The following PHTF1 variants were observed in gnomAD, a reference collection of about 807,000 sequenced individuals.
PHTF1 encodes the protein putative homeodomain transcription factor 1.
In PHTF1, 88 loss-of-function variants were observed where a neutral mutation model predicts 102.4. The ratio of observed to expected loss-of-function variants is 0.86; its 90% confidence interval spans 0.72 to 1.03. PHTF1 has a LOEUF of 1.03. PHTF1 is among the 50% of genes least tolerant of loss of function. PHTF1 has a pLI of 0.00. For missense variants in PHTF1, 814 were observed against 909.5 expected, an observed-to-expected ratio of 0.89 and a Z score of 1.35; for synonymous variants, 289 against 305.2, an observed-to-expected ratio of 0.95 and a Z score of 0.55.
Position 113,706,680 on chromosome 1 carries a change from G to C in PHTF1, c.1312C>G (p.Arg438Gly). The C allele has an allele frequency of 1.9e-6, 3 of 1,607,338 alleles. No individual in the cohort carries two copies. Among genetic ancestry groups the C allele is most frequent in the South Asian group, 1.1e-5 (1 of 90,446 alleles). Residue 438 changes from arginine to glycine, a missense_variant, in exon 12 of 19, where the codon CGA becomes GGA. Coordinates refer to ENST00000369604, the MANE Select transcript of PHTF1 (RefSeq NM_001323043.2). ...WLQNSSPSSD[R>G]VSAIIWEGNE... is the part of the protein sequence containing the mutation. ...CCCTCCCAGATTATTGCACTAACTC[G>C]ATCAGAGGAAGGACTTGAATTCTGA...
At chr1:113,738,851 A>C (rs1655924068) in intron 3 of PHTF1, 52 bp from the exon 4 acceptor site, 1 of 1,177,992 alleles carries the variant, frequency 8.5e-7, no homozygotes, top group Non-Finnish European at 1.2e-6. Context: ...AAGCCCTTTT[A>C]TTTATTTATT....
At chr1:113,748,191 C>T (rs1657510750) in intron 3 of PHTF1, among the ~76,000 whole-genome samples, 1 of 152,130 alleles carries the variant, frequency 6.6e-6, no homozygotes. Flanking sequence ...GTTGCCCAGG[C>T]TGGTCTCAAA....
In PHTF1 at chr1:113,742,934, A is replaced by G. The variant is rs140227918; in HGVS notation, c.103-4135T>C. On this transcript the variant is annotated intron_variant, in intron 3 of 18. Transcript: ENST00000369604. ...CCACAATCTCATCCTCCTGGGCTCA[A>G]GCAATCCTCCTACCTCAGCCTCCCA... Among the ~76,000 whole-genome samples, 132 of 152,288 alleles carry G rather than the reference A, an allele frequency of 8.7e-4. 1 individual carries two copies. The highest frequency in any genetic ancestry group is 2.9e-3 in the African/African-American group (119 of 41,580).
chr1:113,700,164 A>G, intron 16 of PHTF1: 1 of 966,420 alleles, frequency 1.0e-6, no homozygotes, highest in Non-Finnish European at 1.2e-6. Flanking sequence ...TTAAACATTT[A>G]TGGAACAGAA....
intron 5 of PHTF1, among the ~76,000 whole-genome samples, chr1:113,731,511 T>G (rs1654633177): frequency 3.1e-5 from 4 of 130,432 alleles, no homozygotes; most frequent in African/African-American, 1.2e-4. Context: ...AGCCTGGGAG[T>G]AAGAGTGAGA....
chr1:113,735,463 A>G lies in PHTF1; in HGVS notation c.331+2647T>C, dbSNP rs558653591. 3.0e-4 allele frequency among the ~76,000 whole-genome samples: 46 copies of G among 151,476 alleles called. 1 individual carries two copies. Among genetic ancestry groups the G allele is most frequent in the African/African-American group, 9.7e-4 (40 of 41,368 alleles). On this transcript the variant is annotated intron_variant, in intron 5 of 18. Coordinates refer to ENST00000369604, the MANE Select transcript of PHTF1 (RefSeq NM_001323043.2). Reference sequence around the variant, plus strand: ...CTCTACATATGACTCTACATATGATAGACTGTACAGACATTAAAATGATAG... The same window carrying G: ...CTCTACATATGACTCTACATATGATGGACTGTACAGACATTAAAATGATAG...
At chr1:113,750,331 A>AC (rs1301431816) in intron 3 of PHTF1, among the ~76,000 whole-genome samples, 2 of 152,092 alleles carry the variant, frequency 1.3e-5, no homozygotes, top group Non-Finnish European at 2.9e-5. Context: ...TCATATGGCC[A>AC]CCATCCTGCT....
At chr1:113,707,709 G>C (rs909398592) in intron 11 of PHTF1, among the ~76,000 whole-genome samples, 35 of 152,242 alleles carry the variant, frequency 2.3e-4, no homozygotes, top group African/African-American at 7.0e-4. Context: ...CACCTACTAT[G>C]TATCATGCAT....
intron 7 of PHTF1, among the ~76,000 whole-genome samples, chr1:113,717,445 A>G (rs118054528): frequency 3.9e-5 from 6 of 152,182 alleles, no homozygotes; most frequent in Non-Finnish European, 4.4e-5. Context: ...CATTAAAAAA[A>G]CAAAATCCAT....
chr1:113,702,927 T>C (rs1226749573), intron 15 of PHTF1, among the ~76,000 whole-genome samples: 2 of 152,198 alleles, frequency 1.3e-5, no homozygotes, highest in Admixed American at 1.3e-4. Context: ...ACATGCAATA[T>C]GTAATTCTGA....
intron 7 of PHTF1, among the ~76,000 whole-genome samples, chr1:113,720,273 C>T (rs1652709684): frequency 6.6e-6 from 1 of 152,168 alleles, no homozygotes; most frequent in African/African-American, 2.4e-5. Context: ...GCACCCAACA[C>T]TGAAGCACCC....
chr1:113,744,027 A>G (rs900519165), intron 3 of PHTF1, among the ~76,000 whole-genome samples: 56 of 152,198 alleles, frequency 3.7e-4, no homozygotes, highest in African/African-American at 1.3e-3. Flanking sequence ...ATCAAACAAG[A>G]CTGCTTAACT....
Position 113,757,644 on chromosome 1 carries a change from C to T in PHTF1, c.102+55G>A. 3 of 1,105,172 alleles carry T rather than the reference C, an allele frequency of 2.7e-6. No individual in the cohort carries two copies. The African/African-American group carries it at 4.6e-5, about 17-fold the overall frequency. The allele number at this position is 1,105,172 out of a possible 1,614,324, so 68.5% of individuals were successfully genotyped here. ...CAGAGTTTACCAGGTAAGTACAATTCCACTCTTCATATTAATGCAGTGAAA... is the reference window on the plus strand; with the variant it reads ...CAGAGTTTACCAGGTAAGTACAATTTCACTCTTCATATTAATGCAGTGAAA... On this transcript the variant is annotated intron_variant, in intron 3 of 18. Transcript: ENST00000369604.
rs756571083 is a variant in PHTF1, at chr1:113,704,198, T to G, written c.1804-31A>C. The G allele has an allele frequency of 9.6e-6, 14 of 1,451,262 alleles. No individual in the cohort carries two copies. In the South Asian group the frequency reaches 1.6e-4, roughly 17 times the overall value. 89.9% of individuals were successfully genotyped at this position (1,451,262 alleles called of 1,614,324 possible). A position where few individuals can be genotyped will look rare whatever the true frequency, so the allele number is the denominator to read the frequency against. ...GAGTGAGACACATGTGTTAATGTTTTAGTTACTGGCAGACAGCAACCGCCC... is the reference window on the plus strand; with the variant it reads ...GAGTGAGACACATGTGTTAATGTTTGAGTTACTGGCAGACAGCAACCGCCC... On this transcript the variant is annotated intron_variant, in intron 14 of 18. Transcript: ENST00000369604.
chr1:113,759,219 T>C lies in PHTF1; in HGVS notation c.-227A>G, dbSNP rs939944623. 1 of 362,498 alleles carries C rather than the reference T, an allele frequency of 2.8e-6. No homozygotes were observed. The highest frequency in any genetic ancestry group is 2.2e-5 in the African/African-American group (1 of 45,516). 22.5% of individuals were successfully genotyped at this position (362,498 alleles called of 1,614,324 possible). On this transcript the variant is annotated 5_prime_UTR_variant, in exon 1 of 19. Transcript: ENST00000369604. ...GGAGGCAGCCGGCCGCCCAGCGCCC[T>C]GAGGGCGGCAAATCGATCGCCGGTC...
chr1:113,700,753 A>G, intron 16 of PHTF1, 41 bp downstream of exon 16: 1 of 1,583,232 alleles, frequency 6.3e-7, no homozygotes. Context: ...GTATTACGCT[A>G]CCCCTAACCA....
chr1:113,715,648 C>CAAAAAAAAAAAAAAAAAAAAAA (rs60517410), intron 7 of PHTF1, among the ~76,000 whole-genome samples: 2 of 24,960 alleles, frequency 8.0e-5, no homozygotes, highest in African/African-American at 1.1e-4. Flanking sequence ...AACCCTGTCT[C>CAAAAAAAAAAAAAAAAAAAAAA]AAAAAAAAAA....
Position 113,712,046 on chromosome 1 carries a change from C to T in PHTF1, c.851G>A (p.Arg284Gln), listed in dbSNP as rs1472612297. 21 of 1,613,704 alleles carry T rather than the reference C, an allele frequency of 1.3e-5. No homozygotes were observed. Among genetic ancestry groups the T allele is most frequent in the Admixed American group, 1.7e-5 (1 of 59,998 alleles). Residue 284 changes from arginine to glutamine, a missense_variant, in exon 9 of 19, where the codon CGG becomes CAG. Arg to Gln is a conservative substitution (Grantham distance 43). Coordinates refer to ENST00000369604, the MANE Select transcript of PHTF1 (RefSeq NM_001323043.2). ...CCTACGCAATAATATCATCTGTGTC[C>T]GTGCTTCACCATCTTCTTCACTTGA... ...DLSSEEDGEA[R>Q]TQMILLRRSV...
At chr1:113,753,488 C>T (rs1428380005) in intron 3 of PHTF1, among the ~76,000 whole-genome samples, 1 of 151,790 alleles carries the variant, frequency 6.6e-6, no homozygotes. Flanking sequence ...GAGTGCAATG[C>T]ATGATCTCAG....
Sources: allele counts gnomAD v4.1 joint callset (sites outside exome capture counted in the v4.1 genomes callset), GRCh38; gene constraint gnomAD v4.1.1; transcripts MANE v1.5; gene names NCBI Gene and HGNC (gene_info 2026-07-23, HGNC 2026-07-21).